The following KCND2 variants were observed in gnomAD, a reference collection of about 807,000 sequenced individuals.
KCND2 encodes potassium voltage-gated channel subfamily D member 2, also known as A-type voltage-gated potassium channel KCND2.
Under a neutral mutation model 54.4 loss-of-function variants are expected in KCND2, and 16 were observed. That is an observed-to-expected ratio of 0.29 (90% confidence interval 0.20 to 0.45). KCND2 has a LOEUF of 0.45. Among genes scored for constraint, KCND2 ranks in the 20% least tolerant of loss-of-function variants. KCND2 has a pLI of 1.00. For synonymous variants in KCND2, 317 were observed against 310.7 expected (o/e 1.02, Z -0.21); for missense variants, 486 against 824.2 (o/e 0.59, Z 5.02).
intron 1 of KCND2, among the ~76,000 whole-genome samples, chr7:120,310,955 GAAAGA>G (rs1799728094): frequency 6.7e-6 from 1 of 148,584 alleles, no homozygotes; most frequent in Non-Finnish European, 1.5e-5. Context: ...AAAAAAGAAA[GAAAGA>G]AAAGAAAACT....
chr7:120,617,118 T>G (rs764222445), intron 1 of KCND2, among the ~76,000 whole-genome samples: 4 of 152,128 alleles, frequency 2.6e-5, no homozygotes, highest in Non-Finnish European at 5.9e-5. Context: ...CATGGGTAAT[T>G]TATATTCCAG....
At position 120,732,900 on chromosome 7, in the gene KCND2, C is replaced by A. The variant is rs1306549386; in HGVS notation, c.1116-3C>A. The A allele has an allele frequency of 5.0e-6, 8 of 1,611,540 alleles. No individual in the cohort carries two copies. In the South Asian group the frequency reaches 8.8e-5, roughly 18 times the overall value. ...ATATATATATATTTTTTCTTTAACT[C>A]AGGTATGGTGACATGGTGCCAAAAA... is the stretch of plus-strand genomic sequence containing the variant. On this transcript the variant is annotated splice_region_variant and splice_polypyrimidine_tract_variant and intron_variant, in intron 1 of 5. Coordinates refer to ENST00000331113, the MANE Select transcript of KCND2 (RefSeq NM_012281.3).
rs1411614961 is a variant in KCND2 at position 120,670,857 on chromosome 7, AG to A, written c.1116-62045del. ...CATGAACTTGGGAGGCGGAGCTTGC[AG>A]TGAGCCGAGATCGGGCCACTGCACT... On this transcript the variant is annotated intron_variant, in intron 1 of 5. Coordinates refer to ENST00000331113, the MANE Select transcript of KCND2 (RefSeq NM_012281.3). Among the ~76,000 whole-genome samples the A allele has an allele frequency of 2.0e-5, 3 of 150,780 alleles. 1 individual carries two copies. Among genetic ancestry groups the A allele is most frequent in the Non-Finnish European group, 4.4e-5 (3 of 67,660 alleles).
chr7:120,603,392 C>T (rs1792838974), intron 1 of KCND2, among the ~76,000 whole-genome samples: 1 of 152,144 alleles, frequency 6.6e-6, no homozygotes, highest in African/African-American at 2.4e-5. Context: ...TGCTGGAGCC[C>T]CAGACTAGAC....
intron 3 of KCND2, 183 bp from the exon 4 acceptor site, chr7:120,742,327 T>A (rs908952456): frequency 3.3e-6 from 2 of 606,484 alleles, no homozygotes; most frequent in African/African-American, 3.7e-5. Context: ...GACCATTCAT[T>A]TGATGAAATT....
intron 1 of KCND2, among the ~76,000 whole-genome samples, chr7:120,688,490 G>A (rs1349910636): frequency 1.3e-5 from 2 of 152,104 alleles, no homozygotes; most frequent in Admixed American, 1.3e-4. Flanking sequence ...TTCACCCACG[G>A]TCTGACCTTT....
chr7:120,700,268 A>T (rs770514199), intron 1 of KCND2, among the ~76,000 whole-genome samples: 5 of 152,214 alleles, frequency 3.3e-5, no homozygotes, highest in Non-Finnish European at 7.3e-5. Context: ...AAACATATGT[A>T]CTGAAAATAA....
intron 1 of KCND2, among the ~76,000 whole-genome samples, chr7:120,512,359 T>C (rs1166090725): frequency 6.6e-6 from 1 of 151,954 alleles, no homozygotes; most frequent in Non-Finnish European, 1.5e-5. Context: ...TAAATATAAA[T>C]AAAAACATTT....
chr7:120,516,922 A>G (rs1803204863), intron 1 of KCND2, among the ~76,000 whole-genome samples: 1 of 152,172 alleles, frequency 6.6e-6, no homozygotes, highest in Non-Finnish European at 1.5e-5. Context: ...GTAAAACTAC[A>G]TAAAATGGTG....
intron 1 of KCND2, among the ~76,000 whole-genome samples, chr7:120,569,389 A>G (rs1307084620): frequency 6.6e-6 from 1 of 152,190 alleles, no homozygotes; most frequent in Non-Finnish European, 1.5e-5. Flanking sequence ...CCTTACTTAC[A>G]TAAAGTAAAA....
At chr7:120,639,215 T>C (rs537508904) in intron 1 of KCND2, among the ~76,000 whole-genome samples, 42 of 152,268 alleles carry the variant, frequency 2.8e-4, no homozygotes, top group Non-Finnish European at 4.6e-4. Context: ...ATTCTATCAA[T>C]TTTTCTGACT....
At chr7:120,680,013 G>T (rs1046823544) in intron 1 of KCND2, among the ~76,000 whole-genome samples, 1 of 152,016 alleles carries the variant, frequency 6.6e-6, no homozygotes, top group Admixed American at 6.6e-5. Flanking sequence ...ATAGATAAGA[G>T]AATTAAAAGG....
At position 120,523,704 on chromosome 7, in the gene KCND2, C is replaced by CTGTG. The variant is rs199762798; in HGVS notation, c.1116-209159_1116-209156dup. Among the ~76,000 whole-genome samples the CTGTG allele has an allele frequency of 4.9e-3, 679 of 137,210 alleles. 7 individuals are homozygous for CTGTG. Among genetic ancestry groups the CTGTG allele is most frequent in the Middle Eastern group, 0.022 (6 of 270 alleles). The allele number at this position is 137,210 out of a possible 152,430, so 90.0% of individuals were successfully genotyped here. ...ACACAGATATACACACACACACACT[C>CTGTG]TGTGTGTGTGTGTGTGTGTGTGTGT... On this transcript the variant is annotated intron_variant, in intron 1 of 5. Coordinates refer to ENST00000331113, the MANE Select transcript of KCND2 (RefSeq NM_012281.3).
Position 120,302,619 on chromosome 7 carries a change from C to T in KCND2, c.1115+26872C>T, listed in dbSNP as rs187446423. Among the ~76,000 whole-genome samples, 13 of 152,086 alleles carry T rather than the reference C, an allele frequency of 8.5e-5. No individual in the cohort carries two copies. The South Asian group carries it at 2.1e-3, about 24-fold the overall frequency. On this transcript the variant is annotated intron_variant, in intron 1 of 5. Coordinates refer to ENST00000331113, the MANE Select transcript of KCND2 (RefSeq NM_012281.3). ...ACACACTATTAAAAGGGTGTCTGAA[C>T]GATGTTTTATATATGGTTAAAATGT... is the stretch of plus-strand genomic sequence containing the variant.
Position 120,274,334 on chromosome 7 carries a change from T to G in KCND2, c.-299T>G. On this transcript the variant is annotated 5_prime_UTR_variant, in exon 1 of 6. Transcript: ENST00000331113. ...AGAAACGGCTGCACCTGTGTGCTTA[T>G]TTGTGCCAGAGGGTGGCCTAGCCCA... 1.9e-6 allele frequency: 1 copy of G among 528,296 alleles called. No individual in the cohort carries two copies. 32.7% of individuals were successfully genotyped at this position (528,296 alleles called of 1,614,324 possible). A position where few individuals can be genotyped will look rare whatever the true frequency, so the allele number is the denominator to read the frequency against.
intron 1 of KCND2, among the ~76,000 whole-genome samples, chr7:120,425,333 G>T (rs571353097): frequency 6.6e-6 from 1 of 152,282 alleles, no homozygotes; most frequent in African/African-American, 2.4e-5. Context: ...ACATGCACAT[G>T]CACATGCAAA....
chr7:120,274,496 T>C lies in KCND2; in HGVS notation c.-137T>C. On this transcript the variant is annotated 5_prime_UTR_variant, in exon 1 of 6. Coordinates refer to ENST00000331113, the MANE Select transcript of KCND2 (RefSeq NM_012281.3). ...CTGTGACTTTACCAGGAGCCCTATC[T>C]TGGAATAAGAGTTACACCTCTGGAC... is the stretch of plus-strand genomic sequence containing the variant. 2 of 941,548 alleles carry C rather than the reference T, an allele frequency of 2.1e-6. No individual in the cohort carries two copies. Among genetic ancestry groups the C allele is most frequent in the Non-Finnish European group, 3.4e-6 (2 of 586,958 alleles). The allele number at this position is 941,548 out of a possible 1,614,324, so 58.3% of individuals were successfully genotyped here.
intron 1 of KCND2, among the ~76,000 whole-genome samples, chr7:120,675,855 C>CTTTTTTTTT (rs58226731): frequency 9.9e-5 from 12 of 121,550 alleles, no homozygotes; most frequent in South Asian, 2.5e-4. Context: ...TCTTTCTATT[C>CTTTTTTTTT]TTTTTTTTTT....
chr7:120,744,966 C>A (rs1157114279), intron 4 of KCND2, among the ~76,000 whole-genome samples: 5 of 152,132 alleles, frequency 3.3e-5, no homozygotes, highest in Admixed American at 3.3e-4. Context: ...AAAATTGATA[C>A]CATGTTTCTA....
Sources: allele counts gnomAD v4.1 joint callset (sites outside exome capture counted in the v4.1 genomes callset), GRCh38; gene constraint gnomAD v4.1.1; transcripts MANE v1.5; gene names NCBI Gene and HGNC (gene_info 2026-07-23, HGNC 2026-07-21).